Variants in ST6GALNAC1 observed in about 807,000 individuals in gnomAD.
ST6GALNAC1 encodes alpha-N-acetylgalactosaminide alpha-2,6-sialyltransferase 1.
A neutral mutation model predicts 56.8 loss-of-function variants in ST6GALNAC1; 45 were observed. The ratio of observed to expected loss-of-function variants is 0.79; its 90% CI spans 0.62 to 1.02. ST6GALNAC1 has a LOEUF of 1.02. ST6GALNAC1 is among the 50% of genes least tolerant of loss of function. The probability of loss-of-function intolerance (pLI) is 0.00; values close to 1 mark genes in which losing one functional copy is unlikely to be tolerated. For synonymous variants in ST6GALNAC1, 295 were observed against 297.8 expected, an observed-to-expected ratio of 0.99 and a Z score of 0.10; for missense variants, 743 against 754.8, an observed-to-expected ratio of 0.98 and a Z score of 0.18.
chr17:76,625,190 A>G lies in ST6GALNAC1; in HGVS notation c.*140T>C. 1.2e-6 allele frequency: 1 copy of G among 841,498 alleles called. No individual in the cohort carries two copies. 52.1% of individuals were successfully genotyped at this position (841,498 alleles called of 1,614,324 possible). A position where few individuals can be genotyped will look rare whatever the true frequency, so the allele number is the denominator to read the frequency against. On this transcript the variant is annotated 3_prime_UTR_variant, in exon 9 of 9. Coordinates refer to ENST00000156626, the MANE Select transcript of ST6GALNAC1 (RefSeq NM_018414.5). The stretch of plus-strand genomic sequence containing the variant: ...TTGCCATCTTGAGAGAGTCTTGTCC[A>G]TGGTTCAAGTGTTCCCTTGGAACTC...
At chr17:76,630,427 A>G (rs1012372496) in intron 1 of ST6GALNAC1, among the ~76,000 whole-genome samples, 12 of 152,096 alleles carry the variant, frequency 7.9e-5, no homozygotes, top group African/African-American at 2.7e-4. Flanking sequence ...AGCCTTTCTC[A>G]GCCTCAAAGC....
rs150891921 is a variant in ST6GALNAC1, at chr17:76,630,333, G to A, written c.132-622C>T. Among the ~76,000 whole-genome samples, 1,189 of 152,220 alleles carry A rather than the reference G, an allele frequency of 7.8e-3. 20 individuals carry two copies. The highest frequency in any genetic ancestry group is 0.026 in the African/African-American group (1,098 of 41,546). On this transcript the variant is annotated intron_variant, in intron 1 of 8. Coordinates refer to ENST00000156626, the MANE Select transcript of ST6GALNAC1 (RefSeq NM_018414.5). ...AGGCAGGGCCGGCCAAGGCAATATG[G>A]GAAGCAGGCTGATTACCTATGCAAG...
Position 76,629,711 on chromosome 17 carries a change from C to G in ST6GALNAC1, c.132G>C (p.Arg44Ser). The change falls in exon 2 of 9, where the codon AGG becomes AGC. Residue 44 changes from arginine to serine, a missense_variant and splice_region_variant. Arg to Ser is a moderately radical substitution (Grantham distance 110). Coordinates refer to ENST00000156626, the MANE Select transcript of ST6GALNAC1 (RefSeq NM_018414.5). The stretch of plus-strand genomic sequence containing the variant: ...CTTTAATGTTCTCTGTGCGTTGATG[C>G]CTAGGGACAGAGATAACCTTTGATG... ...FIKEPQTKPS[R>S]HQRTENIKER... 1 of 1,609,876 alleles carries G rather than the reference C, an allele frequency of 6.2e-7. No homozygotes were observed. The highest frequency in any genetic ancestry group is 8.5e-7 in the Non-Finnish European group (1 of 1,177,354).
At chr17:76,622,632 G>A (rs2075753223), downstream of ST6GALNAC1, among the ~76,000 whole-genome samples, 1 of 152,064 alleles carries the variant, frequency 6.6e-6, no homozygotes, top group African/African-American at 2.4e-5. Flanking sequence ...CAAAGTGCTG[G>A]GATTATAGGC....
chr17:76,627,207 TG>T lies in ST6GALNAC1; in HGVS notation c.1031del (p.Pro344GlnfsTer31). ...LVQKVVTRFP[P>X]VPQQQLLLAS... ...CCAGGAGCAGCTGCTGCTGGGGCACTGGAGGGAAGCGTGTCACGACCTTCTG... is the reference window on the plus strand; with the variant it reads ...CCAGGAGCAGCTGCTGCTGGGGCACTGAGGGAAGCGTGTCACGACCTTCTG... On this transcript the variant is annotated frameshift_variant, in exon 4 of 9. Transcript: ENST00000156626. LOFTEE classifies it high-confidence loss of function. This position sits in a 1 kb window ranked among gnomAD's most constrained non-coding sequence, Gnocchi z 4.4. The T allele has an allele frequency of 6.3e-7, 1 of 1,586,784 alleles. No individual in the cohort carries two copies.
chr17:76,641,351 C>T (rs530678883), intron 1 of ST6GALNAC1, among the ~76,000 whole-genome samples: 27 of 152,096 alleles, frequency 1.8e-4, no homozygotes, highest in Admixed American at 1.6e-3. Flanking sequence ...CCTAAATTAT[C>T]CCACTGCATT....
chr17:76,635,380 CT>C (rs1848997676), intron 1 of ST6GALNAC1, among the ~76,000 whole-genome samples: 1 of 152,222 alleles, frequency 6.6e-6, no homozygotes, highest in Admixed American at 6.5e-5. Flanking sequence ...TGTCCTACGC[CT>C]GTAATCCCAG....
At chr17:76,642,934 A>G (rs1480233703) in intron 1 of ST6GALNAC1, among the ~76,000 whole-genome samples, 1 of 152,026 alleles carries the variant, frequency 6.6e-6, no homozygotes, top group Non-Finnish European at 1.5e-5. Flanking sequence ...AAAAAAAAAA[A>G]AAAAAAAAGA....
intron 1 of ST6GALNAC1, among the ~76,000 whole-genome samples, chr17:76,638,175 T>C (rs2076002629): frequency 6.7e-6 from 1 of 150,126 alleles, no homozygotes; most frequent in Non-Finnish European, 1.5e-5. Context: ...GCAGGGGCCA[T>C]GCTACACAGC....
At chr17:76,623,370 G>C (rs2075759863), downstream of ST6GALNAC1, among the ~76,000 whole-genome samples, 1 of 152,180 alleles carries the variant, frequency 6.6e-6, no homozygotes, top group African/African-American at 2.4e-5. Flanking sequence ...ATGAATGTGT[G>C]TATCAGTTTA....
Position 76,629,525 on chromosome 17 carries a change from C to A in ST6GALNAC1, c.318G>T (p.Gln106His). ...TTGDRGKEANQAPPEEQDKVP... is the reference protein window; with the variant it reads ...TTGDRGKEANHAPPEEQDKVP... ...CCTTGTCCTGCTCCTCCGGCGGTGCCTGGTTGGCCTCCTTTCCTCTGTCTC... is the reference window on the plus strand; with the variant it reads ...CCTTGTCCTGCTCCTCCGGCGGTGCATGGTTGGCCTCCTTTCCTCTGTCTC... The change falls in exon 2 of 9, where the codon CAG (glutamine) becomes CAT (histidine). Residue 106 changes from glutamine (Q) to histidine (H), a missense_variant. Gln to His is a conservative substitution (Grantham distance 24). Transcript: ENST00000156626. 1 of 1,614,024 alleles carries A rather than the reference C, an allele frequency of 6.2e-7. No homozygotes were observed. The highest frequency in any genetic ancestry group is 8.5e-7 in the Non-Finnish European group (1 of 1,180,012).
At chr17:76,637,585 A>G (rs2075994702) in intron 1 of ST6GALNAC1, 2 of 398,166 alleles carry the variant, frequency 5.0e-6, no homozygotes, top group South Asian at 2.6e-4. Context: ...AAAAAACCCA[A>G]AAAAAGTCTC....
At chr17:76,629,776 G>GTT (rs1281716277) in intron 1 of ST6GALNAC1, 65 bp from the exon 2 acceptor site, 122 of 785,524 alleles carry the variant, frequency 1.6e-4, no homozygotes, top group Middle Eastern at 2.6e-4. Context: ...AGCATAAGTA[G>GTT]TTTTTTGTTT....
intron 1 of ST6GALNAC1, among the ~76,000 whole-genome samples, chr17:76,636,591 C>A (rs56971897): frequency 1.3e-5 from 2 of 152,142 alleles, no homozygotes; most frequent in Non-Finnish European, 2.9e-5. Flanking sequence ...GATGGCAAAA[C>A]GAGACTCCGT....
At position 76,625,866 on chromosome 17, in the gene ST6GALNAC1, T is replaced by C; in HGVS notation, c.1558A>G (p.Thr520Ala). Residue 520 changes from threonine (T) to alanine (A), a missense_variant, in exon 8 of 9, where the codon ACC becomes GCC. Transcript: ENST00000156626. ...GTGAGCAGCAGGAGGGCCCCAGTGGTGGGGCGGTATATCCTCCAGTGGGCA... is the reference window on the plus strand; with the variant it reads ...GTGAGCAGCAGGAGGGCCCCAGTGGCGGGGCGGTATATCCTCCAGTGGGCA... ...DGAHWRIYRP[T>A]TGALLLLTAL... 1 of 1,548,872 alleles carries C rather than the reference T, an allele frequency of 6.5e-7. No homozygotes were observed. Among genetic ancestry groups the C allele is most frequent in the South Asian group, 1.3e-5 (1 of 79,962 alleles).
the ST6GALNAC1 span, among the ~76,000 whole-genome samples, chr17:76,619,407 A>G: frequency 6.6e-6 from 1 of 152,226 alleles, no homozygotes; most frequent in Non-Finnish European, 1.5e-5. Flanking sequence ...TTCTTTCTTT[A>G]GATCTAAAAC....
chr17:76,623,287 G>A (rs184612365), downstream of ST6GALNAC1, among the ~76,000 whole-genome samples: 2 of 152,110 alleles, frequency 1.3e-5, no homozygotes, highest in Non-Finnish European at 2.9e-5. Flanking sequence ...TGAATATTTG[G>A]TAGAGGTAGA....
At position 76,627,735 on chromosome 17, in the gene ST6GALNAC1, C is replaced by G; in HGVS notation, c.832-152G>C. 1.4e-6 allele frequency: 1 copy of G among 699,234 alleles called. No homozygotes were observed. Among genetic ancestry groups the G allele is most frequent in the Non-Finnish European group, 2.4e-6 (1 of 424,502 alleles). The allele number at this position is 699,234 out of a possible 1,614,324, so 43.3% of individuals were successfully genotyped here. Reference sequence around the variant, plus strand: ...CTGTTCTCAGGGTCTGCTTACCCTCCCCTTCCCATTGTCTGGGCTCATTGT... The same window carrying G: ...CTGTTCTCAGGGTCTGCTTACCCTCGCCTTCCCATTGTCTGGGCTCATTGT... On this transcript the variant is annotated intron_variant, in intron 2 of 8. Transcript: ENST00000156626. This position sits in a 1 kb window ranked among gnomAD's most constrained non-coding sequence, Gnocchi z 4.4.
At chr17:76,618,036 C>T in the ST6GALNAC1 span, among the ~76,000 whole-genome samples, 4 of 152,208 alleles carry the variant, frequency 2.6e-5, no homozygotes, top group Admixed American at 2.6e-4. Flanking sequence ...TCCATTCTCA[C>T]TGATGTGACT....
Sources: allele counts gnomAD v4.1 joint callset (sites outside exome capture counted in the v4.1 genomes callset), GRCh38; gene constraint gnomAD v4.1.1; non-coding constraint Gnocchi (gnomAD v3.1); transcripts MANE v1.5; gene names NCBI Gene and HGNC (gene_info 2026-07-23, HGNC 2026-07-21).